MELK: variants seen among roughly 807,000 people sequenced by gnomAD.
The protein encoded by MELK is pEg3 kinase.
In MELK, 81 loss-of-function variants were observed where a neutral mutation model predicts 85.0. The observed-to-expected ratio is 0.95, with a 90% CI of 0.80 to 1.15. MELK has a LOEUF of 1.15. Ranked by LOEUF, MELK falls within the 50% of genes most tolerant of loss-of-function variation. The pLI, the probability that MELK is intolerant of heterozygous loss-of-function variation, is 0.00. For synonymous variants in MELK, 252 were observed against 265.0 expected (o/e 0.95, Z 0.48); for missense variants, 754 against 777.5 (o/e 0.97, Z 0.36).
intron 8 of MELK, among the ~76,000 whole-genome samples, chr9:36,615,951 G>T (rs562864386): frequency 3.3e-5 from 5 of 152,100 alleles, no homozygotes; most frequent in African/African-American, 1.2e-4. Context: ...CCCAGACGGG[G>T]TGGCGGCCAG....
In MELK at chr9:36,599,529, T is replaced by TA. The variant is rs767528368; in HGVS notation, c.567+43_567+44insA. ...AATTCATTATATAATCAGCAGACAT[T>TA]TATATTGGTCACCTGTAGTGAGTCA... On this transcript the variant is annotated intron_variant, in intron 7 of 17. Transcript: ENST00000298048. The TA allele has an allele frequency of 5.5e-5, 80 of 1,467,888 alleles. 1 individual carries two copies. The South Asian group carries it at 9.0e-4, about 16-fold the overall frequency. 90.9% of individuals were successfully genotyped at this position (1,467,888 alleles called of 1,614,324 possible).
chr9:36,584,492 G>A (rs1003103565), intron 3 of MELK, among the ~76,000 whole-genome samples: 2 of 120,748 alleles, frequency 1.7e-5, no homozygotes, highest in South Asian at 2.6e-4. Context: ...TAATTTTTTT[G>A]TATTTTTTTT....
chr9:36,671,950 G>A (rs58364183), intron 16 of MELK, among the ~76,000 whole-genome samples: 2,906 of 152,232 alleles, frequency 0.019, 81 homozygotes, highest in African/African-American at 0.063. Context: ...TGGGCTCAGT[G>A]CTATAGTAAA....
intron 10 of MELK, among the ~76,000 whole-genome samples, chr9:36,636,556 G>C (rs1040510676): frequency 1.3e-5 from 2 of 152,074 alleles, no homozygotes; most frequent in Non-Finnish European, 2.9e-5. Context: ...CTGTGGACCA[G>C]ATATTTGGGC....
chr9:36,619,680 G>C (rs1008305200), intron 8 of MELK, among the ~76,000 whole-genome samples: 2 of 152,234 alleles, frequency 1.3e-5, no homozygotes, highest in African/African-American at 4.8e-5. Flanking sequence ...GAGAGTGGGG[G>C]AGATGCCTTC....
At chr9:36,589,909 G>T (rs557409132) in intron 4 of MELK, among the ~76,000 whole-genome samples, 8 of 150,004 alleles carry the variant, frequency 5.3e-5, no homozygotes, top group Non-Finnish European at 1.0e-4. Flanking sequence ...TAGAGGGAAG[G>T]ACTCATTCTA....
intron 10 of MELK, 48 bp downstream of exon 10, chr9:36,633,248 C>A: frequency 1.5e-6 from 2 of 1,323,874 alleles, no homozygotes; most frequent in South Asian, 1.3e-5. Flanking sequence ...TTTGTGTGGT[C>A]TTTGGGTGAA....
chr9:36,657,199 T>A, intron 12 of MELK, 42 bp from the exon 13 acceptor site: 1 of 1,578,454 alleles, frequency 6.3e-7, no homozygotes, highest in Non-Finnish European at 8.6e-7. Context: ...TATTGAATCA[T>A]AGTACTGTCA....
intron 6 of MELK, among the ~76,000 whole-genome samples, chr9:36,597,514 G>C (rs1824421775): frequency 6.6e-6 from 1 of 152,174 alleles, no homozygotes; most frequent in South Asian, 2.1e-4. Context: ...GATTGGTCCT[G>C]CTGAAGACTC....
intron 10 of MELK, 69 bp downstream of exon 10, chr9:36,633,269 A>G (rs185469521): frequency 9.6e-7 from 1 of 1,044,526 alleles, no homozygotes; most frequent in African/African-American, 1.6e-5. Flanking sequence ...TTCAGAACCT[A>G]CAATGATGTG....
At chr9:36,606,231 T>A (rs1391869457) in intron 7 of MELK, among the ~76,000 whole-genome samples, 2 of 150,868 alleles carry the variant, frequency 1.3e-5, no homozygotes, top group Admixed American at 6.7e-5. Context: ...TGTAGGACTA[T>A]TTGTGCTGGT....
chr9:36,615,580 G>C (rs1826627717), intron 8 of MELK, among the ~76,000 whole-genome samples: 1 of 130,938 alleles, frequency 7.6e-6, no homozygotes, highest in Admixed American at 7.0e-5. Flanking sequence ...TGGGCGGAGA[G>C]GCTCCTCACT....
intron 3 of MELK, among the ~76,000 whole-genome samples, chr9:36,585,473 A>T (rs893322738): frequency 1.3e-5 from 2 of 151,582 alleles, no homozygotes; most frequent in Non-Finnish European, 2.9e-5. Context: ...TGTCCAGCTA[A>T]TTTTTGTATT....
chr9:36,585,919 CAG>C (rs1822842959), intron 3 of MELK, among the ~76,000 whole-genome samples: 1 of 152,000 alleles, frequency 6.6e-6, no homozygotes, highest in Non-Finnish European at 1.5e-5. Context: ...GCCTGGGCAA[CAG>C]AGCAAGATCT....
chr9:36,619,612 T>TAA (rs11451344), intron 8 of MELK, among the ~76,000 whole-genome samples: 2 of 151,444 alleles, frequency 1.3e-5, no homozygotes, highest in African/African-American at 4.9e-5. Context: ...TATGTAGATT[T>TAA]AAAAAAAAAT....
chr9:36,604,731 C>T (rs1825307570), intron 7 of MELK, among the ~76,000 whole-genome samples: 1 of 151,514 alleles, frequency 6.6e-6, no homozygotes, highest in Non-Finnish European at 1.5e-5. Flanking sequence ...GCAACCTCCA[C>T]CTCCCGAGTT....
chr9:36,651,685 A>G (rs1452934413), intron 11 of MELK, 61 bp from the exon 12 acceptor site: 20 of 1,563,986 alleles, frequency 1.3e-5, no homozygotes, highest in Non-Finnish European at 1.6e-5. Context: ...TTAATTAAAG[A>G]TAGAACATCA....
chr9:36,665,151 G>A (rs978851303), intron 13 of MELK, among the ~76,000 whole-genome samples, 199 bp from the exon 14 acceptor site: 11 of 152,118 alleles, frequency 7.2e-5, no homozygotes, highest in African/African-American at 2.4e-4. Flanking sequence ...GAAAATTACT[G>A]TCAATAGAAC....
intron 10 of MELK, among the ~76,000 whole-genome samples, chr9:36,638,926 A>G (rs1829476879): frequency 6.6e-6 from 1 of 152,176 alleles, no homozygotes; most frequent in African/African-American, 2.4e-5. Context: ...AGGGTTCTGG[A>G]ATGGAATGGA....
Sources: allele counts gnomAD v4.1 joint callset (sites outside exome capture counted in the v4.1 genomes callset), GRCh38; gene constraint gnomAD v4.1.1; transcripts MANE v1.5; gene names NCBI Gene and HGNC (gene_info 2026-07-23, HGNC 2026-07-21).